SLC4A4: variants seen among roughly 807,000 people sequenced by gnomAD.
The protein encoded by SLC4A4 is solute carrier family 4 member 4, also known as electrogenic sodium bicarbonate cotransporter 1.
A neutral mutation model predicts 111.5 loss-of-function variants in SLC4A4; 27 were observed. The observed-to-expected ratio is 0.24, with a 90% CI of 0.18 to 0.33. The LOEUF (loss-of-function observed/expected upper bound fraction) is 0.33, where lower values mean the gene tolerates loss of function less well. Among genes scored for constraint, SLC4A4 ranks in the 10% least tolerant of loss-of-function variants. The pLI, the probability that SLC4A4 is intolerant of heterozygous loss-of-function variation, is 1.00. For missense variants in SLC4A4, 909 were observed against 1,315.5 expected, an observed-to-expected ratio of 0.69 and a Z score of 4.78; for synonymous variants, 443 against 463.4, an observed-to-expected ratio of 0.96 and a Z score of 0.57.
intron 2 of SLC4A4, among the ~76,000 whole-genome samples, chr4:71,122,369 A>T (rs1345551242): frequency 1.3e-5 from 2 of 151,610 alleles, no homozygotes; most frequent in Non-Finnish European, 2.9e-5. Context: ...CTTCAGTGAG[A>T]GGGCGATCTT....
At chr4:71,080,080 C>T (rs943049505) in intron 1 of SLC4A4, among the ~76,000 whole-genome samples, 3 of 152,020 alleles carry the variant, frequency 2.0e-5, no homozygotes, top group Non-Finnish European at 2.9e-5. Flanking sequence ...TCTGGCTAAT[C>T]CCTTAGTTTC....
At chr4:71,145,529 C>G (rs1024044122) in intron 2 of SLC4A4, among the ~76,000 whole-genome samples, 1 of 152,304 alleles carries the variant, frequency 6.6e-6, no homozygotes, top group South Asian at 2.1e-4. Context: ...ACGGTACCAG[C>G]TCCTCCTTGT....
At chr4:71,193,391 C>G (rs1220430838) in intron 1 of SLC4A4, among the ~76,000 whole-genome samples, 1 of 152,178 alleles carries the variant, frequency 6.6e-6, no homozygotes, top group Non-Finnish European at 1.5e-5. Flanking sequence ...GATCTCCTGA[C>G]CTCGTGATCC....
chr4:71,165,381 G>T (rs1424335390), intron 2 of SLC4A4, among the ~76,000 whole-genome samples: 2 of 152,114 alleles, frequency 1.3e-5, no homozygotes, highest in Non-Finnish European at 2.9e-5. Flanking sequence ...CTATAAAAAA[G>T]AATGAATTCA....
chr4:71,131,236 T>C (rs1364187902), intron 2 of SLC4A4, among the ~76,000 whole-genome samples: 1 of 152,204 alleles, frequency 6.6e-6, no homozygotes. Context: ...GTTTCCTTTT[T>C]AAGCATCCTT....
chr4:71,452,351 G>A (rs926027687), intron 11 of SLC4A4, among the ~76,000 whole-genome samples: 8 of 151,890 alleles, frequency 5.3e-5, no homozygotes, highest in Non-Finnish European at 1.0e-4. Flanking sequence ...ACAGACATGA[G>A]TTCTGGGCTT....
chr4:71,534,295 T>G lies in SLC4A4; in HGVS notation c.2349T>G (p.Ala783=). 6.2e-7 allele frequency: 1 copy of G among 1,613,790 alleles called. No individual in the cohort carries two copies. Among genetic ancestry groups the G allele is most frequent in the South Asian group, 1.1e-5 (1 of 91,076 alleles). Residue 783 remains alanine, a synonymous_variant, in exon 18 of 26, where the codon GCT becomes GCG. Coordinates refer to ENST00000264485, the MANE Select transcript of SLC4A4 (RefSeq NM_001098484.3). Reference sequence around the variant, plus strand: ...AAAACCCCTGGTGGGTGTGCCTTGCTGCTGCTATCCCGGCTTTGTTGGTCA... The same window carrying G: ...AAAACCCCTGGTGGGTGTGCCTTGCGGCTGCTATCCCGGCTTTGTTGGTCA... ...FGENPWWVCL[A]AAIPALLVTI...
chr4:71,438,614 A>G (rs1423343924), intron 7 of SLC4A4, among the ~76,000 whole-genome samples: 1 of 152,232 alleles, frequency 6.6e-6, no homozygotes, highest in African/African-American at 2.4e-5. Flanking sequence ...TTTTTTGAAG[A>G]TAAGATAGTC....
intron 2 of SLC4A4, among the ~76,000 whole-genome samples, chr4:71,142,761 C>CTTTTTTTTT (rs34495804): frequency 6.3e-4 from 49 of 77,968 alleles, no homozygotes; most frequent in Middle Eastern, 0.014. Context: ...TTTTCTCACT[C>CTTTTTTTTT]TTTTTTTTTT....
intron 6 of SLC4A4, among the ~76,000 whole-genome samples, chr4:71,380,483 T>C (rs1309312410): frequency 6.6e-6 from 1 of 152,190 alleles, no homozygotes; most frequent in African/African-American, 2.4e-5. Context: ...CTCATGACTT[T>C]CTTTGGCCAA....
chr4:71,269,094 A>G (rs982354877), intron 3 of SLC4A4, among the ~76,000 whole-genome samples: 1 of 152,136 alleles, frequency 6.6e-6, no homozygotes, highest in African/African-American at 2.4e-5. Flanking sequence ...TTCTGGTCTG[A>G]CCCTCTATAC....
intron 2 of SLC4A4, among the ~76,000 whole-genome samples, chr4:71,157,569 T>C (rs1560749980): frequency 6.6e-6 from 1 of 152,186 alleles, no homozygotes; most frequent in East Asian, 1.9e-4. Context: ...GCATACATTA[T>C]AGAATGTAAT....
intron 7 of SLC4A4, among the ~76,000 whole-genome samples, chr4:71,411,245 TG>T (rs1456323028): frequency 1.3e-5 from 2 of 152,152 alleles, no homozygotes; most frequent in Admixed American, 6.5e-5. Flanking sequence ...CTCCTACCTT[TG>T]GGTCTTTGGA....
intron 6 of SLC4A4, among the ~76,000 whole-genome samples, chr4:71,376,074 C>CGT (rs144536177): frequency 0.02 from 2,849 of 145,498 alleles, 100 homozygotes; most frequent in African/African-American, 0.069. Context: ...TACATATACA[C>CGT]GTATATATAT....
intron 5 of SLC4A4, 78 bp from the exon 6 acceptor site, chr4:71,356,930 A>T: frequency 7.8e-7 from 1 of 1,287,318 alleles, no homozygotes; most frequent in Non-Finnish European, 1.1e-6. Flanking sequence ...TGAGGGTGAC[A>T]TCCATAAAGT....
intron 3 of SLC4A4, among the ~76,000 whole-genome samples, chr4:71,279,832 G>A (rs182836663): frequency 6.6e-6 from 1 of 152,110 alleles, no homozygotes; most frequent in East Asian, 1.9e-4. Flanking sequence ...ATCTTGCTCT[G>A]TTGCCCAGGC....
intron 15 of SLC4A4, among the ~76,000 whole-genome samples, chr4:71,494,711 C>G (rs566234864): frequency 1.3e-5 from 2 of 152,068 alleles, no homozygotes; most frequent in South Asian, 4.1e-4. Context: ...GTGAGAACCA[C>G]TTGTAAGGGC....
intron 2 of SLC4A4, among the ~76,000 whole-genome samples, chr4:71,137,652 T>C (rs1743881420): frequency 6.6e-6 from 1 of 152,226 alleles, no homozygotes; most frequent in South Asian, 2.1e-4. Context: ...AATCTTAGGA[T>C]AGAAAATTCT....
chr4:71,274,810 C>T (rs1464047448), intron 3 of SLC4A4, among the ~76,000 whole-genome samples: 1 of 152,092 alleles, frequency 6.6e-6, no homozygotes, highest in Non-Finnish European at 1.5e-5. Context: ...ACATTTCCTA[C>T]CAGCTCTCAT....
Sources: gnomAD v4.1 joint callset for allele counts (sites outside exome capture counted in the v4.1 genomes callset) on GRCh38, gnomAD v4.1.1 for gene constraint, MANE v1.5 for transcripts, NCBI Gene and HGNC (gene_info 2026-07-23, HGNC 2026-07-21) for gene names.